Variants in PRAG1 observed in about 807,000 individuals in gnomAD.
PRAG1 encodes the protein PEAK1 related, kinase-activating pseudokinase 1, also known as inactive tyrosine-protein kinase PRAG1.
A neutral mutation model predicts 95.6 loss-of-function variants in PRAG1; 110 were observed. That is an observed-to-expected ratio of 1.15 (90% confidence interval 0.99 to 1.35). The LOEUF (loss-of-function observed/expected upper bound fraction) is 1.35, where lower values mean the gene tolerates loss of function less well. Ranked by LOEUF, PRAG1 falls within the 40% of genes most tolerant of loss-of-function variation. The pLI is 0.00. For synonymous variants in PRAG1, 1,052 were observed against 819.4 expected (o/e 1.28, Z -4.85); for missense variants, 2,554 against 1,864.7 (o/e 1.37, Z -6.81).
intron 3 of PRAG1, among the ~76,000 whole-genome samples, chr8:8,366,827 G>A (rs1264192224): frequency 6.6e-6 from 1 of 151,808 alleles, no homozygotes; most frequent in Non-Finnish European, 1.5e-5. Flanking sequence ...ACAGGTATGT[G>A]CCACCATGCC....
intron 3 of PRAG1, among the ~76,000 whole-genome samples, chr8:8,369,190 C>CT (rs201548316): frequency 2.5e-3 from 348 of 141,590 alleles, no homozygotes; most frequent in Middle Eastern, 3.7e-3. Context: ...CTCTGGCTTG[C>CT]TTTTTTTTTT....
Position 8,317,856 on chromosome 8 carries a change from G to A in PRAG1, c.*298C>T. On this transcript the variant is annotated 3_prime_UTR_variant, in exon 6 of 6. Transcript: ENST00000615670. ...AGGTATTGAGGCCAGTGTCCAGGCT[G>A]CATTCAGTTCACAGAACTGTCCTCA... The A allele has an allele frequency of 4.4e-6, 1 of 225,658 alleles. No homozygotes were observed. The highest frequency in any genetic ancestry group is 8.4e-6 in the Non-Finnish European group (1 of 119,066). The allele number at this position is 225,658 out of a possible 1,614,324, so 14.0% of individuals were successfully genotyped here.
chr8:8,373,399 T>A (rs1022527689), intron 3 of PRAG1, among the ~76,000 whole-genome samples: 1 of 152,160 alleles, frequency 6.6e-6, no homozygotes, highest in African/African-American at 2.4e-5. Context: ...TTATTTTGAA[T>A]AAAATAAGAT....
rs1319274501 is a variant in PRAG1, at chr8:8,318,477, G to T, written c.3898C>A (p.Leu1300Met). 1.9e-6 allele frequency: 3 copies of T among 1,612,326 alleles called. No homozygotes were observed. The highest frequency in any genetic ancestry group is 2.5e-6 in the Non-Finnish European group (3 of 1,179,790). The stretch of plus-strand genomic sequence containing the variant: ...AGTAGCAGATGTGCCAGCTGCTGCA[G>T]GCCGGGTGAGTAGAGGGACAGCGCG... ...LPALSLYSPG[L>M]QQLAHLLLEA... Residue 1300 changes from leucine to methionine, a missense_variant, in exon 6 of 6, where the codon CTG becomes ATG. By Grantham distance (15) the Leu-to-Met change is conservative. Transcript: ENST00000615670. The surrounding 1 kb of genome is among the most constrained non-coding windows in gnomAD (Gnocchi z 4.2).
At chr8:8,366,668 T>G (rs181294762) in intron 3 of PRAG1, among the ~76,000 whole-genome samples, 3 of 146,810 alleles carry the variant, frequency 2.0e-5, no homozygotes, top group Admixed American at 7.1e-5. Flanking sequence ...CCACTTGAGA[T>G]TTTGCACTTT....
chr8:8,370,371 T>C (rs983679654), intron 3 of PRAG1, among the ~76,000 whole-genome samples: 2 of 152,234 alleles, frequency 1.3e-5, no homozygotes, highest in Admixed American at 1.3e-4. Context: ...TGGGGGCCAC[T>C]GAAATACGGC....
At chr8:8,349,394 T>C (rs753860083) in intron 3 of PRAG1, among the ~76,000 whole-genome samples, 20 of 151,962 alleles carry the variant, frequency 1.3e-4, no homozygotes, top group East Asian at 3.9e-4. Context: ...CATTCTCCTG[T>C]CTCAGCCTCC....
chr8:8,333,836 G>A (rs1041560080), intron 4 of PRAG1, among the ~76,000 whole-genome samples: 3 of 152,240 alleles, frequency 2.0e-5, no homozygotes, highest in African/African-American at 7.2e-5. Flanking sequence ...GGTAAAGCAA[G>A]TGGAATATGG....
chr8:8,364,988 T>G (rs1799956019), intron 3 of PRAG1, among the ~76,000 whole-genome samples: 1 of 152,144 alleles, frequency 6.6e-6, no homozygotes, highest in Non-Finnish European at 1.5e-5. Flanking sequence ...GAAGATGACA[T>G]GAATATAGAG....
At chr8:8,353,055 T>A (rs1289149898) in intron 3 of PRAG1, among the ~76,000 whole-genome samples, 1 of 152,164 alleles carries the variant, frequency 6.6e-6, no homozygotes, top group East Asian at 1.9e-4. Flanking sequence ...CATTAAAGTA[T>A]CTAAATATAA....
At chr8:8,332,843 G>A (rs1245554597) in intron 4 of PRAG1, among the ~76,000 whole-genome samples, 1 of 152,128 alleles carries the variant, frequency 6.6e-6, no homozygotes, top group African/African-American at 2.4e-5. Context: ...CTTACCTGGG[G>A]AACTATCTCT....
chr8:8,329,007 C>T (rs182336350), intron 4 of PRAG1, among the ~76,000 whole-genome samples: 3 of 152,180 alleles, frequency 2.0e-5, no homozygotes, highest in Non-Finnish European at 4.4e-5. Flanking sequence ...GCAAACAATG[C>T]TGCAACAGCA....
At chr8:8,365,566 G>A (rs1289837914) in intron 3 of PRAG1, among the ~76,000 whole-genome samples, 1 of 152,072 alleles carries the variant, frequency 6.6e-6, no homozygotes, top group Non-Finnish European at 1.5e-5. Flanking sequence ...GGAGGTTGTG[G>A]TGAGCTGACA....
At position 8,328,062 on chromosome 8, in the gene PRAG1, C is replaced by T. The variant is rs1038446642; in HGVS notation, c.2720G>A (p.Ser907Asn). ...GLAGNRGGCG[S>N]PGLQCKGAPS... ...GGCCCCTTTGCACTGGAGGCCAGGGCTCCCGCAGCCGCCTCTGTTGCCCGC... is the reference window on the plus strand; with the variant it reads ...GGCCCCTTTGCACTGGAGGCCAGGGTTCCCGCAGCCGCCTCTGTTGCCCGC... Residue 907 changes from serine (S) to asparagine (N), a missense_variant, in exon 5 of 6, where the codon AGC (serine) becomes AAC (asparagine). By Grantham distance (46) the Ser-to-Asn change is conservative. Coordinates refer to ENST00000615670, the MANE Select transcript of PRAG1 (RefSeq NM_001080826.3). 6.3e-6 allele frequency: 10 copies of T among 1,596,792 alleles called. No homozygotes were observed. Among genetic ancestry groups the T allele is most frequent in the African/African-American group, 1.3e-5 (1 of 74,690 alleles).
Position 8,376,779 on chromosome 8 carries a change from TG to T in PRAG1, c.1629del (p.Ile544PhefsTer11). Reference protein sequence around the residue: ...ASESKPKERPAIPPKLSKSSP... With the variant: ...ASESKPKERPXIPPKLSKSSP... ...CTACTCTTGGACAACTTGGGGGGAATGGCGGGCCTCTCCTTGGGCTTGCTCT... is the reference window on the plus strand; with the variant it reads ...CTACTCTTGGACAACTTGGGGGGAATGCGGGCCTCTCCTTGGGCTTGCTCT... On this transcript the variant is annotated frameshift_variant, in exon 3 of 6. Transcript: ENST00000615670. LOFTEE classifies it high-confidence loss of function. 1 of 1,610,980 alleles carries T rather than the reference TG, an allele frequency of 6.2e-7. No homozygotes were observed.
intron 3 of PRAG1, among the ~76,000 whole-genome samples, chr8:8,357,660 C>T (rs1468638371): frequency 6.6e-6 from 1 of 152,162 alleles, no homozygotes; most frequent in Admixed American, 6.5e-5. Context: ...AATAGAATCA[C>T]CAAATGAGCC....
At chr8:8,361,031 C>G (rs1046300522) in intron 3 of PRAG1, among the ~76,000 whole-genome samples, 15 of 152,096 alleles carry the variant, frequency 9.9e-5, no homozygotes, top group Non-Finnish European at 1.8e-4. Context: ...ATTAATTCAG[C>G]CCAAGTATAT....
rs1179053790 is a variant in PRAG1, at chr8:8,318,586, C to A, written c.3789G>T (p.Glu1263Asp). 1.9e-6 allele frequency: 3 copies of A among 1,613,404 alleles called. No homozygotes were observed. The highest frequency in any genetic ancestry group is 2.5e-6 in the Non-Finnish European group (3 of 1,179,928). Residue 1263 changes from glutamate to aspartate, a missense_variant, in exon 6 of 6, where the codon GAG (glutamate) becomes GAT (aspartate). Physicochemically the swap from Glu to Asp is conservative, Grantham distance 45. Coordinates refer to ENST00000615670, the MANE Select transcript of PRAG1 (RefSeq NM_001080826.3). The surrounding 1 kb of genome is among the most constrained non-coding windows in gnomAD (Gnocchi z 4.2). ...DEFQTGILIY[E>D]LLHQPNPFEV... ...CGAACGGGTTGGGTTGGTGCAGCAGCTCGTAGATGAGGATGCCTGTCTGGA... is the reference window on the plus strand; with the variant it reads ...CGAACGGGTTGGGTTGGTGCAGCAGATCGTAGATGAGGATGCCTGTCTGGA...
Position 8,378,874 on chromosome 8 carries a change from T to TTAA in PRAG1, c.331-799_331-797dup, listed in dbSNP as rs1554513675. ...GACCCTGTACCAAAAATAATGATAA[T>TTAA]TAATAATAATAATAATAAAGAAAAA... On this transcript the variant is annotated intron_variant, in intron 2 of 5. Coordinates refer to ENST00000615670, the MANE Select transcript of PRAG1 (RefSeq NM_001080826.3). Among the ~76,000 whole-genome samples the TTAA allele has an allele frequency of 1.7e-4, 5 of 29,316 alleles. 1 individual carries two copies. The Middle Eastern group carries it at 0.077, about 451-fold the overall frequency. 19.2% of individuals were successfully genotyped at this position (29,316 alleles called of 152,430 possible).
Sources: allele counts gnomAD v4.1 joint callset (sites outside exome capture counted in the v4.1 genomes callset), GRCh38; gene constraint gnomAD v4.1.1; non-coding constraint Gnocchi (gnomAD v3.1); transcripts MANE v1.5; gene names NCBI Gene and HGNC (gene_info 2026-07-23, HGNC 2026-07-21).